The following HSF2BP variants were observed in gnomAD, a reference collection of about 807,000 sequenced individuals.
The protein encoded by HSF2BP is heat shock factor 2-binding protein.
HSF2BP carries 35 observed loss-of-function variants against 35.0 expected under a neutral mutation model. The ratio of observed to expected loss-of-function variants is 1.00; its 90% CI spans 0.76 to 1.32. HSF2BP has a LOEUF of 1.32. Among genes scored for constraint, HSF2BP ranks in the 40% most tolerant of loss-of-function variants. The pLI is 0.00. For missense variants in HSF2BP, 326 were observed against 321.7 expected (o/e 1.01, Z -0.10); for synonymous variants, 114 against 117.4 (o/e 0.97, Z 0.18).
In HSF2BP at chr21:43,658,259, A is replaced by AGT; in HGVS notation, c.-165_-164dup. 1.2e-6 allele frequency: 1 copy of AGT among 815,086 alleles called. No individual in the cohort carries two copies. The highest frequency in any genetic ancestry group is 1.8e-6 in the Non-Finnish European group (1 of 544,806). The allele number at this position is 815,086 out of a possible 1,614,324, so 50.5% of individuals were successfully genotyped here. ...AGTATTCTCGGCCTAGAGAGCGAGG[A>AGT]GTGGCCTTGGCGAGGTCCCTCTTTG... On this transcript the variant is annotated 5_prime_UTR_variant, in exon 2 of 9. Transcript: ENST00000291560.
Position 43,656,569 on chromosome 21 carries a change from C to G in HSF2BP, c.187+18G>C. ...AAATTACTGTTACCACCAATGACTG[C>G]TGAAAATGAAGACTCACTTTTTTCT... On this transcript the variant is annotated intron_variant, in intron 3 of 8. Transcript: ENST00000291560. The G allele has an allele frequency of 6.2e-7, 1 of 1,601,960 alleles. No homozygotes were observed. The highest frequency in any genetic ancestry group is 8.5e-7 in the Non-Finnish European group (1 of 1,175,616).
rs573041764 is a variant in HSF2BP at position 43,599,370 on chromosome 21, T to C, written c.693-7042A>G. 1.8e-4 allele frequency among the ~76,000 whole-genome samples: 28 copies of C among 152,356 alleles called. No homozygotes were observed. The East Asian group carries it at 5.0e-3, about 27-fold the overall frequency. ...AATAAACCCAAAAAACTGTTTCTTA[T>C]GCAAATGTTTCGTCTAATATAACAT... is the stretch of plus-strand genomic sequence containing the variant. On this transcript the variant is annotated intron_variant, in intron 7 of 8. Transcript: ENST00000291560.
intron 7 of HSF2BP, among the ~76,000 whole-genome samples, chr21:43,608,327 CA>C (rs2082160330): frequency 6.6e-6 from 1 of 152,114 alleles, no homozygotes; most frequent in Admixed American, 6.6e-5. Flanking sequence ...AACATATAAG[CA>C]GCCAACGAAA....
At chr21:43,596,498 C>T (rs1464773429) in intron 7 of HSF2BP, among the ~76,000 whole-genome samples, 2 of 152,000 alleles carry the variant, frequency 1.3e-5, no homozygotes, top group East Asian at 1.9e-4. Context: ...ATAAGAATCA[C>T]AAATTCTGAA....
chr21:43,611,197 G>T (rs1232902560), intron 7 of HSF2BP, among the ~76,000 whole-genome samples: 1 of 152,116 alleles, frequency 6.6e-6, no homozygotes, highest in Non-Finnish European at 1.5e-5. Flanking sequence ...AGTGAGCCAT[G>T]TTCATACCAC....
chr21:43,574,910 C>T (rs928451835), intron 8 of HSF2BP, among the ~76,000 whole-genome samples: 7 of 152,208 alleles, frequency 4.6e-5, no homozygotes, highest in Non-Finnish European at 7.3e-5. Context: ...GCCAGCAGCA[C>T]GAGCCATGGC....
chr21:43,657,723 G>A (rs2082893748), intron 2 of HSF2BP: 1 of 553,632 alleles, frequency 1.8e-6, no homozygotes, highest in Non-Finnish European at 2.3e-6. Flanking sequence ...TCCCGAAGCA[G>A]GGGGCCAGGG....
intron 8 of HSF2BP, among the ~76,000 whole-genome samples, chr21:43,579,013 T>C (rs2081684517): frequency 6.6e-6 from 1 of 152,232 alleles, no homozygotes; most frequent in African/African-American, 2.4e-5. Context: ...ACAAATGGTA[T>C]ATTTGTATCC....
chr21:43,658,104 G>C lies in HSF2BP; in HGVS notation c.-8C>G. On this transcript the variant is annotated 5_prime_UTR_variant, in exon 2 of 9. Transcript: ENST00000291560. Reference sequence around the variant, plus strand: ...GGCGCCCGCTTCGCCCATGGCCGCTGCCGCCTCCGCTCCGTTCGCCTGAGC... The same window carrying C: ...GGCGCCCGCTTCGCCCATGGCCGCTCCCGCCTCCGCTCCGTTCGCCTGAGC... 1.3e-6 allele frequency: 2 copies of C among 1,533,634 alleles called. No individual in the cohort carries two copies. The highest frequency in any genetic ancestry group is 8.7e-7 in the Non-Finnish European group (1 of 1,145,028).
At chr21:43,634,380 G>A (rs2082524305) in intron 4 of HSF2BP, among the ~76,000 whole-genome samples, 1 of 152,134 alleles carries the variant, frequency 6.6e-6, no homozygotes, top group South Asian at 2.1e-4. Flanking sequence ...CCCTTAAAAG[G>A]TGATAGCATT....
intron 6 of HSF2BP, among the ~76,000 whole-genome samples, chr21:43,627,744 T>C (rs1453814210): frequency 6.6e-6 from 1 of 152,142 alleles, no homozygotes; most frequent in Non-Finnish European, 1.5e-5. Flanking sequence ...ATTCACTTTA[T>C]TGTGCTTTGC....
intron 4 of HSF2BP, among the ~76,000 whole-genome samples, chr21:43,640,209 G>A (rs963751776): frequency 6.6e-6 from 1 of 152,202 alleles, no homozygotes; most frequent in Non-Finnish European, 1.5e-5. Flanking sequence ...GCTGACATGG[G>A]AGGACTGCTT....
At chr21:43,584,708 C>A (rs948585133) in intron 8 of HSF2BP, among the ~76,000 whole-genome samples, 1 of 152,204 alleles carries the variant, frequency 6.6e-6, no homozygotes, top group Non-Finnish European at 1.5e-5. Flanking sequence ...CCCCCCACTA[C>A]ACTCAATGCC....
intron 4 of HSF2BP, 145 bp downstream of exon 4, chr21:43,644,144 A>G (rs2082677178): frequency 3.4e-6 from 2 of 595,030 alleles, no homozygotes; most frequent in African/African-American, 3.7e-5. Context: ...ACTACATTCC[A>G]ACCCACTCAG....
intron 7 of HSF2BP, among the ~76,000 whole-genome samples, chr21:43,601,159 T>C (rs949142885): frequency 1.3e-5 from 2 of 152,202 alleles, no homozygotes; most frequent in African/African-American, 2.4e-5. Flanking sequence ...GGAGTACACA[T>C]GCAGACGGGG....
At chr21:43,639,781 G>A (rs76914575) in intron 4 of HSF2BP, among the ~76,000 whole-genome samples, 6,232 of 151,870 alleles carry the variant, frequency 0.041, 435 homozygotes, top group African/African-American at 0.14. Flanking sequence ...TTGTACTCTC[G>A]GGCATTTATC....
At chr21:43,612,574 C>T (rs907576602) in intron 7 of HSF2BP, among the ~76,000 whole-genome samples, 1 of 144,412 alleles carries the variant, frequency 6.9e-6, no homozygotes, top group South Asian at 2.2e-4. Context: ...TGGTGTGAAC[C>T]CGGGAGGCGG....
chr21:43,591,694 T>A (rs562750118), intron 8 of HSF2BP, among the ~76,000 whole-genome samples: 144 of 152,362 alleles, frequency 9.5e-4, no homozygotes, highest in South Asian at 3.1e-3. Context: ...CAGTTTCACT[T>A]AGCCAGTCAA....
chr21:43,653,585 T>C (rs184575178), intron 3 of HSF2BP, among the ~76,000 whole-genome samples: 50 of 152,300 alleles, frequency 3.3e-4, no homozygotes, highest in Admixed American at 1.7e-3. Context: ...AGCCGTAGTA[T>C]GGTTTTGCTT....
Sources: gnomAD v4.1 joint callset for allele counts (sites outside exome capture counted in the v4.1 genomes callset) on GRCh38, gnomAD v4.1.1 for gene constraint, MANE v1.5 for transcripts, NCBI Gene and HGNC (gene_info 2026-07-23, HGNC 2026-07-21) for gene names.